Variants in CSNK1D observed in about 807,000 individuals in gnomAD.
CSNK1D encodes the protein casein kinase 1 delta, also known as casein kinase I isoform delta.
Under a neutral mutation model 46.6 loss-of-function variants are expected in CSNK1D, and 16 were observed. The ratio of observed to expected loss-of-function variants is 0.34; its 90% CI spans 0.23 to 0.52. The LOEUF is 0.52. Ranked by LOEUF, CSNK1D falls within the 20% of genes least tolerant of loss-of-function variation. CSNK1D has a pLI of 0.95. For missense variants in CSNK1D, 398 were observed against 578.4 expected, an observed-to-expected ratio of 0.69 and a Z score of 3.20; for synonymous variants, 276 against 228.2, an observed-to-expected ratio of 1.21 and a Z score of -1.89.
intron 1 of CSNK1D, 62 bp from the exon 2 acceptor site, chr17:82,265,858 C>G: frequency 7.6e-7 from 1 of 1,311,590 alleles, no homozygotes; most frequent in South Asian, 1.2e-5. Flanking sequence ...ACCCAACATG[C>G]TGGAGAAACA....
chr17:82,269,951 C>G (rs1271763542), intron 1 of CSNK1D, among the ~76,000 whole-genome samples: 2 of 152,234 alleles, frequency 1.3e-5, no homozygotes, highest in Non-Finnish European at 1.5e-5. Flanking sequence ...AGTGAAAGAA[C>G]TTCTGGTTTA....
chr17:82,269,923 T>C (rs1244294326), intron 1 of CSNK1D, among the ~76,000 whole-genome samples: 1 of 152,224 alleles, frequency 6.6e-6, no homozygotes, highest in African/African-American at 2.4e-5. Flanking sequence ...TTATTTCCAG[T>C]GGTACTCTGC....
chr17:82,249,116 GGACA>G lies in CSNK1D; in HGVS notation c.1058-106_1058-103del. 3 of 1,387,436 alleles carry G rather than the reference GGACA, an allele frequency of 2.2e-6. No individual in the cohort carries two copies. Among genetic ancestry groups the G allele is most frequent in the Non-Finnish European group, 2.9e-6 (3 of 1,023,434 alleles). The allele number at this position is 1,387,436 out of a possible 1,614,324, so 85.9% of individuals were successfully genotyped here. ...GGCCAGAGAGGACCCTGGGCTGCCT[GGACA>G]GTCAGGACCTGGCTGTGGCCGATGG... On this transcript the variant is annotated intron_variant, in intron 7 of 8. Transcript: ENST00000314028. The surrounding 1 kb of genome is among the most constrained non-coding windows in gnomAD (Gnocchi z 6.7).
At chr17:82,264,718 G>A (rs867776111) in intron 2 of CSNK1D, among the ~76,000 whole-genome samples, 1 of 152,082 alleles carries the variant, frequency 6.6e-6, no homozygotes, top group Non-Finnish European at 1.5e-5. Context: ...AGCAACACAC[G>A]TGCCACTGGC....
rs7213171 is a variant in CSNK1D, at chr17:82,265,192, T to G, written c.187+494A>C. 1,729 of 192,730 alleles carry G rather than the reference T, an allele frequency of 9.0e-3. 28 individuals carry two copies. The highest frequency in any genetic ancestry group is 0.036 in the South Asian group (406 of 11,284). The allele number at this position is 192,730 out of a possible 1,614,324, so 11.9% of individuals were successfully genotyped here. ...GATGGTATAAGATTTTTTTTTTTTT[T>G]GGGGGGGACAGGGTCTCACTCTGTC... is the stretch of plus-strand genomic sequence containing the variant. On this transcript the variant is annotated intron_variant, in intron 2 of 8. Coordinates refer to ENST00000314028, the MANE Select transcript of CSNK1D (RefSeq NM_001893.6).
In CSNK1D at chr17:82,273,092, T is replaced by A; in HGVS notation, c.76+214A>T. Reference sequence around the variant, plus strand: ...CTCTCCAGACCCTGCTCCCCCGACCTGGTCCTGCCCCTCCCCCACGTCCGC... The same window carrying A: ...CTCTCCAGACCCTGCTCCCCCGACCAGGTCCTGCCCCTCCCCCACGTCCGC... On this transcript the variant is annotated intron_variant, in intron 1 of 8. Coordinates refer to ENST00000314028, the MANE Select transcript of CSNK1D (RefSeq NM_001893.6). This position sits in a 1 kb window ranked among gnomAD's most constrained non-coding sequence, Gnocchi z 5.1. 7 of 143,916 alleles carry A rather than the reference T, an allele frequency of 4.9e-5. No homozygotes were observed. The highest frequency in any genetic ancestry group is 1.0e-4 in the Admixed American group (1 of 9,996). The allele number at this position is 143,916 out of a possible 1,614,324, so 8.9% of individuals were successfully genotyped here. A position where few individuals can be genotyped will look rare whatever the true frequency, so the allele number is the denominator to read the frequency against.
At chr17:82,266,936 T>G (rs1266868333) in intron 1 of CSNK1D, 1 of 152,086 alleles carries the variant, frequency 6.6e-6, no homozygotes, top group Non-Finnish European at 1.5e-5. Flanking sequence ...GGTGGGTACC[T>G]GTGGTCCCAG....
intron 8 of CSNK1D, 26 bp from the exon 9 acceptor site, chr17:82,244,857 G>GTC (rs2050809568): frequency 6.2e-7 from 1 of 1,613,260 alleles, no homozygotes; most frequent in Admixed American, 1.7e-5. Context: ...CACAGGAGAA[G>GTC]GTCAGCATGG....
downstream of CSNK1D, chr17:82,239,946 T>C (rs542453680): frequency 1.9e-5 from 23 of 1,214,354 alleles, no homozygotes; most frequent in African/African-American, 1.4e-4. Flanking sequence ...CCTGCGTGGC[T>C]GGGAGCCCGG....
rs919536486 is a variant in CSNK1D, at chr17:82,255,781, C to T, written c.188-204G>A. On this transcript the variant is annotated intron_variant, in intron 2 of 8. Coordinates refer to ENST00000314028, the MANE Select transcript of CSNK1D (RefSeq NM_001893.6). This position sits in a 1 kb window ranked among gnomAD's most constrained non-coding sequence, Gnocchi z 5.9. ...CTATTAGCAAATGGCCTGAGGCAGA[C>T]GTTGGATGAGGGCCAAGCAGACAGG... is the stretch of plus-strand genomic sequence containing the variant. 7.2e-5 allele frequency among the ~76,000 whole-genome samples: 11 copies of T among 152,148 alleles called. No individual in the cohort carries two copies. Among genetic ancestry groups the T allele is most frequent in the African/African-American group, 2.4e-4 (10 of 41,434 alleles).
At position 82,273,247 on chromosome 17, in the gene CSNK1D, G is replaced by C; in HGVS notation, c.76+59C>G. 6.5e-7 allele frequency: 1 copy of C among 1,538,668 alleles called. No homozygotes were observed. The highest frequency in any genetic ancestry group is 8.8e-7 in the Non-Finnish European group (1 of 1,133,024). On this transcript the variant is annotated intron_variant, in intron 1 of 8. Coordinates refer to ENST00000314028, the MANE Select transcript of CSNK1D (RefSeq NM_001893.6). This position sits in a 1 kb window ranked among gnomAD's most constrained non-coding sequence, Gnocchi z 5.1. The stretch of plus-strand genomic sequence containing the variant: ...CCACTTCCTTCCGCGATCGCGCTTG[G>C]TCTTGGCAGCCGCAGGGCCCGGGTC...
At chr17:82,264,943 G>A (rs1209540779) in intron 2 of CSNK1D, among the ~76,000 whole-genome samples, 2 of 151,776 alleles carry the variant, frequency 1.3e-5, no homozygotes, top group African/African-American at 2.4e-5. Context: ...GACTACAGGC[G>A]CCCGCCACCA....
At chr17:82,240,951 A>G (rs1368571280), downstream of CSNK1D, among the ~76,000 whole-genome samples, 2 of 152,184 alleles carry the variant, frequency 1.3e-5, no homozygotes, top group Admixed American at 1.3e-4. Flanking sequence ...AAGGGAAGGG[A>G]AGCCCGGAGC....
Position 82,248,479 on chromosome 17 carries a change from G to GC in CSNK1D, c.1197+395dup. The GC allele has an allele frequency of 9.2e-7, 1 of 1,085,036 alleles. No individual in the cohort carries two copies. Among genetic ancestry groups the GC allele is most frequent in the South Asian group, 2.5e-5 (1 of 39,700 alleles). 67.2% of individuals were successfully genotyped at this position (1,085,036 alleles called of 1,614,324 possible). A position where few individuals can be genotyped will look rare whatever the true frequency, so the allele number is the denominator to read the frequency against. Reference sequence around the variant, plus strand: ...TACGGGCCTCCATCCCTGGCCAGTGGCAAGAATGAGGAAGAATGAGGAAGG... The same window carrying GC: ...TACGGGCCTCCATCCCTGGCCAGTGGCCAAGAATGAGGAAGAATGAGGAAGG... On this transcript the variant is annotated intron_variant, in intron 8 of 8. Transcript: ENST00000314028. This position sits in a 1 kb window ranked among gnomAD's most constrained non-coding sequence, Gnocchi z 4.1.
intron 2 of CSNK1D, among the ~76,000 whole-genome samples, chr17:82,261,789 G>A (rs1431604558): frequency 6.6e-6 from 1 of 152,106 alleles, no homozygotes; most frequent in African/African-American, 2.4e-5. Context: ...TACATTCTTT[G>A]GTGTTGTACA....
intron 2 of CSNK1D, among the ~76,000 whole-genome samples, chr17:82,257,695 C>T (rs956366579): frequency 5.9e-5 from 9 of 152,178 alleles, no homozygotes; most frequent in Admixed American, 1.3e-4. Context: ...TAAGCACAAA[C>T]GCCAGACTGA....
downstream of CSNK1D, chr17:82,240,218 C>T (rs1440558585): frequency 4.4e-6 from 2 of 452,548 alleles, no homozygotes; most frequent in Non-Finnish European, 7.3e-6. Context: ...GGCTGGCGGG[C>T]AGTGCCAGCA....
Position 82,249,055 on chromosome 17 carries a change from G to A in CSNK1D, c.1058-41C>T, listed in dbSNP as rs1384648829. The A allele has an allele frequency of 3.2e-6, 5 of 1,543,994 alleles. No homozygotes were observed. Among genetic ancestry groups the A allele is most frequent in the Non-Finnish European group, 3.5e-6 (4 of 1,143,018 alleles). On this transcript the variant is annotated intron_variant, in intron 7 of 8. Coordinates refer to ENST00000314028, the MANE Select transcript of CSNK1D (RefSeq NM_001893.6). This position sits in a 1 kb window ranked among gnomAD's most constrained non-coding sequence, Gnocchi z 6.7. Reference sequence around the variant, plus strand: ...GAAACGGAGTGGGCCGCCCCCGTCTGCTGCCTCTCACTCGGGGCTTTCTAT... The same window carrying A: ...GAAACGGAGTGGGCCGCCCCCGTCTACTGCCTCTCACTCGGGGCTTTCTAT...
chr17:82,250,113 CG>C lies in CSNK1D; in HGVS notation c.886-512del, dbSNP rs1568559851. On this transcript the variant is annotated intron_variant, in intron 6 of 8. Coordinates refer to ENST00000314028, the MANE Select transcript of CSNK1D (RefSeq NM_001893.6). The surrounding 1 kb of genome is among the most constrained non-coding windows in gnomAD (Gnocchi z 4.6). ...GGTGGCGTGGCCAGCAGCCGGCAGC[CG>C]GATCTGTGCTGCACTATCCAGATGC... 25 of 1,290,638 alleles carry C rather than the reference CG, an allele frequency of 1.9e-5. No individual in the cohort carries two copies. Among genetic ancestry groups the C allele is most frequent in the Non-Finnish European group, 2.3e-5 (23 of 989,554 alleles). 79.9% of individuals were successfully genotyped at this position (1,290,638 alleles called of 1,614,324 possible). A position where few individuals can be genotyped will look rare whatever the true frequency, so the allele number is the denominator to read the frequency against.
Sources: gnomAD v4.1 joint callset for allele counts (sites outside exome capture counted in the v4.1 genomes callset) on GRCh38, gnomAD v4.1.1 for gene constraint, Gnocchi (gnomAD v3.1) non-coding constraint, MANE v1.5 for transcripts, NCBI Gene and HGNC (gene_info 2026-07-23, HGNC 2026-07-21) for gene names.